MRO: variants seen among roughly 807,000 people sequenced by gnomAD.
The protein encoded by MRO is protein maestro.
MRO carries 28 observed loss-of-function variants against 31.0 expected under a neutral mutation model. That is an observed-to-expected ratio of 0.90 (90% CI 0.67 to 1.24). The LOEUF is 1.24. Ranked by LOEUF, MRO falls within the 50% of genes most tolerant of loss-of-function variation. The pLI, the probability that MRO is intolerant of heterozygous loss-of-function variation, is 0.00. For synonymous variants in MRO, 108 were observed against 108.4 expected (o/e 1.00, Z 0.02); for missense variants, 332 against 289.2 (o/e 1.15, Z -1.07).
Position 50,800,124 on chromosome 18 carries a change from T to C in MRO, c.605A>G (p.Gln202Arg), listed in dbSNP as rs138052036. The C allele has an allele frequency of 7.0e-4, 1,128 of 1,612,078 alleles. 9 individuals carry two copies. In the African/African-American group the frequency reaches 0.013, roughly 18 times the overall value. The change falls in exon 7 of 8, where the codon CAA (glutamine) becomes CGA (arginine). Residue 202 changes from glutamine (Q) to arginine (R), a missense_variant. Coordinates refer to ENST00000398439, the MANE Select transcript of MRO (RefSeq NM_031939.6). ...QVAKACKTTF[Q>R]ACSPYLKLKE... is the part of the protein sequence containing the mutation. Reference sequence around the variant, plus strand: ...TAGTTTCAGATATGGAGAACAGGCTTGAAATGTTGTTTTGCAAGCCTGAGA... The same window carrying C: ...TAGTTTCAGATATGGAGAACAGGCTCGAAATGTTGTTTTGCAAGCCTGAGA...
intron 2 of MRO, among the ~76,000 whole-genome samples, chr18:50,810,018 T>G (rs1001883660): frequency 9.2e-5 from 14 of 152,086 alleles, no homozygotes; most frequent in African/African-American, 3.4e-4. Context: ...CAGGCTGGAG[T>G]GCAGTGGCAG....
chr18:50,805,826 T>A (rs927857019), intron 4 of MRO, among the ~76,000 whole-genome samples: 1 of 152,192 alleles, frequency 6.6e-6, no homozygotes, highest in African/African-American at 2.4e-5. Flanking sequence ...TCACAGCTGA[T>A]ATTGCTGAGG....
chr18:50,815,645 C>A, intron 2 of MRO: 1 of 346,238 alleles, frequency 2.9e-6, no homozygotes, highest in Non-Finnish European at 5.7e-6. Context: ...TGAAAGGGGG[C>A]AGTTTTGGTG....
At chr18:50,812,996 C>A (rs1442643375) in intron 2 of MRO, among the ~76,000 whole-genome samples, 1 of 152,202 alleles carries the variant, frequency 6.6e-6, no homozygotes, top group African/African-American at 2.4e-5. Flanking sequence ...GGACATGGGA[C>A]TTTCATTGCT....
In MRO at chr18:50,805,325, A is replaced by T; in HGVS notation, c.258T>A (p.Tyr86Ter). 1 of 1,613,658 alleles carries T rather than the reference A, an allele frequency of 6.2e-7. No individual in the cohort carries two copies. Among genetic ancestry groups the T allele is most frequent in the Non-Finnish European group, 8.5e-7 (1 of 1,179,830 alleles). ...CCAGCAGGTCGAGGACAATTTTCTTATACTTTCTCACCTGTCACCAAGGTT... is the reference window on the plus strand; with the variant it reads ...CCAGCAGGTCGAGGACAATTTTCTTTTACTTTCTCACCTGTCACCAAGGTT... ...AYEAPDKVRK[Y>*]KKIVLDLLVY... is the part of the protein sequence containing the mutation. Residue 86 changes from tyrosine (Y) to a stop codon, truncating the protein, a stop_gained, in exon 5 of 8, where the codon TAT (tyrosine) becomes TAA (stop). Coordinates refer to ENST00000398439, the MANE Select transcript of MRO (RefSeq NM_031939.6). LOFTEE classifies it high-confidence loss of function.
intron 5 of MRO, among the ~76,000 whole-genome samples, chr18:50,802,806 T>C (rs1913487396): frequency 6.6e-6 from 1 of 152,064 alleles, no homozygotes; most frequent in Admixed American, 6.6e-5. Context: ...ATGACCCTCA[T>C]GCCTCAGCCT....
chr18:50,803,027 G>A (rs377281312), intron 5 of MRO, among the ~76,000 whole-genome samples: 195 of 152,044 alleles, frequency 1.3e-3, no homozygotes, highest in Admixed American at 2.5e-3. Flanking sequence ...ACAGATGCTC[G>A]CCCCGCTAGG....
At position 50,798,350 on chromosome 18, in the gene MRO, C is replaced by T. The variant is rs1912961435; in HGVS notation, c.*987G>A. 1 of 152,036 alleles carries T rather than the reference C, an allele frequency of 6.6e-6. No individual in the cohort carries two copies. Among genetic ancestry groups the T allele is most frequent in the African/African-American group, 2.4e-5 (1 of 41,382 alleles). The allele number at this position is 152,036 out of a possible 1,614,324, so 9.4% of individuals were successfully genotyped here. ...CATATAAAATCAAAAGTTAACTGGG[C>T]TTAGTAGAGGAGCAGAAGCAGAGAT... On this transcript the variant is annotated 3_prime_UTR_variant, in exon 8 of 8. Transcript: ENST00000398439.
At chr18:50,811,088 C>G (rs550358017) in intron 2 of MRO, among the ~76,000 whole-genome samples, 1 of 152,052 alleles carries the variant, frequency 6.6e-6, no homozygotes, top group Admixed American at 6.5e-5. Flanking sequence ...GTGATGGTAG[C>G]AGTAACAATT....
intron 5 of MRO, among the ~76,000 whole-genome samples, chr18:50,803,086 G>A (rs535524404): frequency 6.6e-6 from 1 of 152,276 alleles, no homozygotes; most frequent in African/African-American, 2.4e-5. Context: ...GAGCTTCATG[G>A]CCTCAGATAG....
rs1913155309 is a variant in MRO at position 50,800,118 on chromosome 18, C to T, written c.611G>A (p.Cys204Tyr). 1 of 1,613,096 alleles carries T rather than the reference C, an allele frequency of 6.2e-7. No homozygotes were observed. Among genetic ancestry groups the T allele is most frequent in the South Asian group, 1.1e-5 (1 of 90,976 alleles). Residue 204 changes from cysteine (C) to tyrosine (Y), a missense_variant, in exon 7 of 8, where the codon TGT becomes TAT. Physicochemically the swap from Cys to Tyr is radical, Grantham distance 194. Transcript: ENST00000398439. ...CTCCTTTAGTTTCAGATATGGAGAACAGGCTTGAAATGTTGTTTTGCAAGC... is the reference window on the plus strand; with the variant it reads ...CTCCTTTAGTTTCAGATATGGAGAATAGGCTTGAAATGTTGTTTTGCAAGC... ...AKACKTTFQA[C>Y]SPYLKLKEEY...
At chr18:50,818,954 G>A (rs529120102) in intron 2 of MRO, among the ~76,000 whole-genome samples, 1 of 152,210 alleles carries the variant, frequency 6.6e-6, no homozygotes, top group Admixed American at 6.5e-5. Flanking sequence ...TCAGGAGGCT[G>A]AGGCAGAAGA....
At chr18:50,811,836 G>A (rs1263783024) in intron 2 of MRO, among the ~76,000 whole-genome samples, 3 of 148,566 alleles carry the variant, frequency 2.0e-5, no homozygotes, top group Non-Finnish European at 4.4e-5. Context: ...TCTGACCCTG[G>A]GTTCAAGGGA....
At chr18:50,813,588 T>G (rs1325203605) in intron 2 of MRO, among the ~76,000 whole-genome samples, 2 of 152,250 alleles carry the variant, frequency 1.3e-5, no homozygotes, top group Non-Finnish European at 2.9e-5. Context: ...GTGGCTGGTT[T>G]GGTGACCACA....
chr18:50,800,165 TTTTA>T, intron 6 of MRO, 22 bp from the exon 7 acceptor site: 1 of 1,508,194 alleles, frequency 6.6e-7, no homozygotes, highest in South Asian at 1.2e-5. Flanking sequence ...AATATTACTA[TTTTA>T]TTTATTAGAG....
At chr18:50,820,732 C>A (rs1371010014), upstream of MRO, among the ~76,000 whole-genome samples, 1 of 152,202 alleles carries the variant, frequency 6.6e-6, no homozygotes, top group Non-Finnish European at 1.5e-5. Context: ...TGACAAAGGT[C>A]ATGCAGTTAA....
At chr18:50,800,267 T>A in intron 6 of MRO, 124 bp from the exon 7 acceptor site, 2 of 633,152 alleles carry the variant, frequency 3.2e-6, no homozygotes, top group Non-Finnish European at 5.3e-6. Flanking sequence ...GAAAGTAACT[T>A]CCAGGTAGTT....
chr18:50,819,377 T>C, intron 2 of MRO: 1 of 946,648 alleles, frequency 1.1e-6, no homozygotes, highest in Non-Finnish European at 1.3e-6. Flanking sequence ...ATTAACATAG[T>C]TTGTGAAAAG....
rs1568121793 is a variant in MRO, at chr18:50,798,339, AGT to A, written c.*996_*997del. 6.6e-6 allele frequency: 1 copy of A among 152,228 alleles called. No individual in the cohort carries two copies. Among genetic ancestry groups the A allele is most frequent in the African/African-American group, 2.4e-5 (1 of 41,466 alleles). 9.4% of individuals were successfully genotyped at this position (152,228 alleles called of 1,614,324 possible). On this transcript the variant is annotated 3_prime_UTR_variant, in exon 8 of 8. Transcript: ENST00000398439. ...TATACTTAGTACATATAAAATCAAA[AGT>A]TAACTGGGCTTAGTAGAGGAGCAGA...
Sources: gnomAD v4.1 joint callset for allele counts (sites outside exome capture counted in the v4.1 genomes callset) on GRCh38, gnomAD v4.1.1 for gene constraint, MANE v1.5 for transcripts, NCBI Gene and HGNC (gene_info 2026-07-23, HGNC 2026-07-21) for gene names.